Variants in PCDH9 observed in about 807,000 individuals in gnomAD.
PCDH9 encodes the protein protocadherin-9.
PCDH9 carries 24 observed loss-of-function variants against 70.6 expected under a neutral mutation model. The observed-to-expected ratio is 0.34, with a 90% confidence interval of 0.25 to 0.48. The LOEUF (loss-of-function observed/expected upper bound fraction) is 0.48. Ranked by LOEUF, PCDH9 falls within the 20% of genes least tolerant of loss-of-function variation. PCDH9 has a pLI of 0.99. For missense variants in PCDH9, 1,281 were observed against 1,503.6 expected (o/e 0.85, Z 2.45); for synonymous variants, 562 against 558.5 (o/e 1.01, Z -0.09).
At chr13:66,794,406 C>T (rs2080207424) in intron 3 of PCDH9, among the ~76,000 whole-genome samples, 1 of 152,158 alleles carries the variant, frequency 6.6e-6, no homozygotes. Context: ...ATTAGCTCCA[C>T]CGTCATACAT....
At chr13:66,973,533 G>A (rs2139752599) in intron 2 of PCDH9, among the ~76,000 whole-genome samples, 1 of 151,994 alleles carries the variant, frequency 6.6e-6, no homozygotes, top group Non-Finnish European at 1.5e-5. Flanking sequence ...CTAGGCCAGT[G>A]TTTCAAAATA....
At chr13:66,406,311 C>T (rs1183466816) in intron 4 of PCDH9, among the ~76,000 whole-genome samples, 2 of 152,090 alleles carry the variant, frequency 1.3e-5, no homozygotes, top group African/African-American at 2.4e-5. Context: ...GATTCTTCAG[C>T]GATGAAACAA....
chr13:66,733,983 C>T (rs1408531827), intron 3 of PCDH9, among the ~76,000 whole-genome samples: 1 of 152,136 alleles, frequency 6.6e-6, no homozygotes, highest in Admixed American at 6.6e-5. Context: ...GGAGATAATT[C>T]ATGCCATACC....
intron 3 of PCDH9, among the ~76,000 whole-genome samples, chr13:66,693,082 A>G (rs1000044198): frequency 6.6e-6 from 1 of 152,090 alleles, no homozygotes; most frequent in African/African-American, 2.4e-5. Context: ...GATAAGGTGC[A>G]TTTATCAAGA....
intron 4 of PCDH9, among the ~76,000 whole-genome samples, chr13:66,615,607 G>A (rs368056149): frequency 3.3e-5 from 5 of 152,314 alleles, no homozygotes; most frequent in African/African-American, 1.2e-4. Flanking sequence ...TAACTTTGGA[G>A]ATTGTGACAT....
chr13:66,340,280 G>A (rs1956104122), intron 4 of PCDH9, among the ~76,000 whole-genome samples: 1 of 152,154 alleles, frequency 6.6e-6, no homozygotes. Flanking sequence ...ACTAGTCTGA[G>A]GCTAGCAATT....
At position 66,454,835 on chromosome 13, in the gene PCDH9, C is replaced by T. The variant is rs565854180; in HGVS notation, c.3341-149807G>A. ...AAATTACTAAATTTCGAACTTCTGA[C>T]TTCAAGTTACCTGCCCACCTTGGCC... is the stretch of plus-strand genomic sequence containing the variant. On this transcript the variant is annotated intron_variant, in intron 4 of 4. Coordinates refer to ENST00000377865, the MANE Select transcript of PCDH9 (RefSeq NM_203487.3). Among the ~76,000 whole-genome samples the T allele has an allele frequency of 2.6e-5, 4 of 152,248 alleles. No individual in the cohort carries two copies. In the South Asian group the frequency reaches 8.3e-4, roughly 32 times the overall value.
intron 2 of PCDH9, among the ~76,000 whole-genome samples, chr13:67,183,623 T>G (rs1349301259): frequency 6.6e-6 from 1 of 152,116 alleles, no homozygotes; most frequent in Non-Finnish European, 1.5e-5. Context: ...CCAAATAAGA[T>G]ATGATGAATG....
chr13:67,064,066 G>T (rs1241280454), intron 2 of PCDH9, among the ~76,000 whole-genome samples: 1 of 152,072 alleles, frequency 6.6e-6, no homozygotes, highest in East Asian at 1.9e-4. Flanking sequence ...GTTAACCTCA[G>T]AAAATTGTCC....
chr13:66,554,379 A>G (rs1961631473), intron 4 of PCDH9, among the ~76,000 whole-genome samples: 1 of 152,130 alleles, frequency 6.6e-6, no homozygotes, highest in Non-Finnish European at 1.5e-5. Flanking sequence ...TTTTCCCAAG[A>G]GGTAGTTTTA....
intron 4 of PCDH9, among the ~76,000 whole-genome samples, chr13:66,405,012 T>G (rs1957255553): frequency 6.6e-6 from 1 of 152,226 alleles, no homozygotes; most frequent in Non-Finnish European, 1.5e-5. Flanking sequence ...ATAAATGATA[T>G]TTGTTTGCAT....
chr13:66,491,387 G>T (rs112930189), intron 4 of PCDH9, among the ~76,000 whole-genome samples: 2 of 148,544 alleles, frequency 1.3e-5, no homozygotes, highest in African/African-American at 5.0e-5. Context: ...AGGAGATATT[G>T]TGTGTGTGTG....
At chr13:66,501,087 A>C (rs1028045174) in intron 4 of PCDH9, among the ~76,000 whole-genome samples, 1 of 152,158 alleles carries the variant, frequency 6.6e-6, no homozygotes, top group Non-Finnish European at 1.5e-5. Flanking sequence ...AAGAACTTCT[A>C]ACTTTAATCA....
intron 3 of PCDH9, among the ~76,000 whole-genome samples, chr13:66,693,836 T>C (rs975739793): frequency 1.3e-5 from 2 of 152,234 alleles, no homozygotes; most frequent in Admixed American, 6.5e-5. Context: ...CTTCCATCTG[T>C]AAGACACTTT....
At chr13:66,671,745 T>C (rs1024124239) in intron 3 of PCDH9, among the ~76,000 whole-genome samples, 1 of 152,236 alleles carries the variant, frequency 6.6e-6, no homozygotes, top group African/African-American at 2.4e-5. Flanking sequence ...AAGATGTGAC[T>C]TGGGTGCTCT....
intron 4 of PCDH9, among the ~76,000 whole-genome samples, chr13:66,324,664 G>A (rs1413408201): frequency 6.6e-6 from 1 of 152,000 alleles, no homozygotes; most frequent in East Asian, 1.9e-4. Context: ...GGTAGAATAG[G>A]CACTGTGAGA....
At chr13:67,063,217 G>A (rs1461703373) in intron 2 of PCDH9, among the ~76,000 whole-genome samples, 1 of 152,080 alleles carries the variant, frequency 6.6e-6, no homozygotes, top group Non-Finnish European at 1.5e-5. Context: ...TAGTGAGGTA[G>A]AGAGTTCTGG....
chr13:66,677,292 T>C (rs956607548), intron 3 of PCDH9, among the ~76,000 whole-genome samples: 11 of 152,154 alleles, frequency 7.2e-5, no homozygotes, highest in Non-Finnish European at 1.6e-4. Context: ...AAAAAGCCAC[T>C]TGTCAACAAT....
intron 2 of PCDH9, chr13:67,208,593 AC>A (rs1465272644): frequency 3.3e-5 from 5 of 152,200 alleles, no homozygotes; most frequent in African/African-American, 1.2e-4. Flanking sequence ...ATTTGGCACT[AC>A]AGAAAAGTAT....
Sources: allele counts gnomAD v4.1 joint callset (sites outside exome capture counted in the v4.1 genomes callset), GRCh38; gene constraint gnomAD v4.1.1; transcripts MANE v1.5; gene names NCBI Gene and HGNC (gene_info 2026-07-23, HGNC 2026-07-21).